The following CFAP299 variants were observed in gnomAD, a reference collection of about 807,000 sequenced individuals.
CFAP299 encodes the protein cilia and flagella associated protein 299.
In CFAP299, 21 loss-of-function variants were observed where a neutral mutation model predicts 27.0. The ratio of observed to expected loss-of-function variants is 0.78; its 90% CI spans 0.55 to 1.12. CFAP299 has a LOEUF of 1.12. CFAP299 is among the 50% of genes most tolerant of loss of function. The pLI is 0.00. For missense variants in CFAP299, 310 were observed against 276.6 expected (o/e 1.12, Z -0.86); for synonymous variants, 104 against 98.1 (o/e 1.06, Z -0.36).
chr4:80,470,887 ACAAT>A (rs1328701403), intron 2 of CFAP299, among the ~76,000 whole-genome samples: 1 of 152,224 alleles, frequency 6.6e-6, no homozygotes, highest in Non-Finnish European at 1.5e-5. Flanking sequence ...TGTCAATTAC[ACAAT>A]CAAGCAGTTT....
chr4:80,800,172 A>C (rs1179802746), intron 3 of CFAP299, among the ~76,000 whole-genome samples: 2 of 69,976 alleles, frequency 2.9e-5, no homozygotes, highest in Non-Finnish European at 4.8e-5. Flanking sequence ...AATACATATA[A>C]TATATAATAA....
intron 4 of CFAP299, chr4:80,871,515 T>G (rs944054227): frequency 1.0e-6 from 1 of 985,302 alleles, no homozygotes; most frequent in African/African-American, 1.7e-5. Flanking sequence ...AAAATTAAAT[T>G]CATTTTAATT....
chr4:80,863,544 A>C (rs559151090), intron 3 of CFAP299, among the ~76,000 whole-genome samples: 4 of 152,174 alleles, frequency 2.6e-5, no homozygotes, highest in Admixed American at 6.5e-5. Context: ...CAGATTCTAC[A>C]TGCCCCTTGG....
At chr4:80,847,845 T>C (rs566451906) in intron 3 of CFAP299, among the ~76,000 whole-genome samples, 1 of 152,344 alleles carries the variant, frequency 6.6e-6, no homozygotes, top group African/African-American at 2.4e-5. Context: ...TGGCCTTTGC[T>C]TAATTATCTC....
In CFAP299 at chr4:80,870,654, C is replaced by G. The variant is rs544268865; in HGVS notation, c.476+519C>G. 20 of 985,668 alleles carry G rather than the reference C, an allele frequency of 2.0e-5. No individual in the cohort carries two copies. The African/African-American group carries it at 3.5e-4, about 17-fold the overall frequency. The allele number at this position is 985,668 out of a possible 1,614,324, so 61.1% of individuals were successfully genotyped here. On this transcript the variant is annotated intron_variant, in intron 4 of 5. Transcript: ENST00000358105. ...CCTTATCTATCACCTAGCATCTACC[C>G]TACACTGCCAATCTATTCACAGATG...
chr4:80,343,799 TAAAAAAAAAA>T (rs35187249), intron 1 of CFAP299, among the ~76,000 whole-genome samples: 1 of 75,356 alleles, frequency 1.3e-5, no homozygotes, highest in Non-Finnish European at 2.2e-5. Context: ...AGACTCCGTC[TAAAAAAAAAA>T]AAAAAAAAAA....
chr4:80,565,061 A>G (rs1436277429), intron 2 of CFAP299, among the ~76,000 whole-genome samples: 2 of 152,060 alleles, frequency 1.3e-5, no homozygotes, highest in East Asian at 1.9e-4. Context: ...GCACAATCCC[A>G]TTAAAGAGGA....
intron 4 of CFAP299, among the ~76,000 whole-genome samples, chr4:80,932,352 C>T (rs111605090): frequency 0.016 from 2,402 of 152,104 alleles, 67 homozygotes; most frequent in African/African-American, 0.054. Context: ...AATATATAGT[C>T]ATAAATAGGA....
chr4:80,475,010 G>T (rs1730204913), intron 2 of CFAP299, among the ~76,000 whole-genome samples: 1 of 152,180 alleles, frequency 6.6e-6, no homozygotes, highest in Non-Finnish European at 1.5e-5. Context: ...AGGTTTGTCA[G>T]CTGAGAGAGT....
At chr4:80,773,061 G>T (rs1285824716) in intron 3 of CFAP299, among the ~76,000 whole-genome samples, 2 of 152,118 alleles carry the variant, frequency 1.3e-5, no homozygotes, top group South Asian at 2.1e-4. Context: ...CCTTTGCAGG[G>T]ACATGGATAA....
chr4:80,386,729 G>A, intron 2 of CFAP299: 2 of 1,551,048 alleles, frequency 1.3e-6, no homozygotes, highest in Non-Finnish European at 8.9e-7. Context: ...CTTCATGCCG[G>A]AGTGGGAGAG....
rs796398709 is a variant in CFAP299 at position 80,591,123 on chromosome 4, T to A, written c.333+7940T>A. Among the ~76,000 whole-genome samples, 51 of 133,760 alleles carry A rather than the reference T, an allele frequency of 3.8e-4. 1 individual carries two copies. The highest frequency in any genetic ancestry group is 9.2e-4 in the Admixed American group (12 of 13,052). The allele number at this position is 133,760 out of a possible 152,430, so 87.8% of individuals were successfully genotyped here. A position where few individuals can be genotyped will look rare whatever the true frequency, so the allele number is the denominator to read the frequency against. On this transcript the variant is annotated intron_variant, in intron 3 of 5. Transcript: ENST00000358105. ...TTAGGAAATTTTTTTTTTTTTTTTT[T>A]TTTTTTTTATTTTTTTTTGAGACGG...
chr4:80,698,078 G>A (rs890248075), intron 3 of CFAP299, among the ~76,000 whole-genome samples: 1 of 152,146 alleles, frequency 6.6e-6, no homozygotes, highest in African/African-American at 2.4e-5. Context: ...GGAAAATTGA[G>A]AAATGATAGC....
intron 2 of CFAP299, among the ~76,000 whole-genome samples, chr4:80,511,205 A>G (rs1346843015): frequency 6.6e-6 from 1 of 152,124 alleles, no homozygotes; most frequent in Non-Finnish European, 1.5e-5. Context: ...CCCCTTATCT[A>G]TATTAAAAGT....
intron 5 of CFAP299, among the ~76,000 whole-genome samples, chr4:80,945,392 C>A (rs146098537): frequency 3.1e-4 from 47 of 152,294 alleles, no homozygotes; most frequent in African/African-American, 1.0e-3. Flanking sequence ...TAATGTATTT[C>A]TAAGTGTTAA....
intron 2 of CFAP299, among the ~76,000 whole-genome samples, chr4:80,486,905 C>G (rs1188398208): frequency 1.3e-5 from 2 of 152,190 alleles, no homozygotes; most frequent in Non-Finnish European, 2.9e-5. Context: ...TACACAATGT[C>G]CCAGGGTAGC....
intron 2 of CFAP299, among the ~76,000 whole-genome samples, chr4:80,562,358 G>A (rs939168360): frequency 6.6e-6 from 1 of 152,046 alleles, no homozygotes; most frequent in African/African-American, 2.4e-5. Context: ...AGCACTTTGG[G>A]AGGCCAAGGA....
intron 2 of CFAP299, among the ~76,000 whole-genome samples, chr4:80,399,701 G>A: frequency 8.3e-6 from 1 of 120,676 alleles, no homozygotes; most frequent in African/African-American, 3.1e-5. Flanking sequence ...TGAGGTGGGG[G>A]AGGGGGGAGG....
chr4:80,394,618 G>T (rs2110040915), intron 2 of CFAP299, among the ~76,000 whole-genome samples: 1 of 152,138 alleles, frequency 6.6e-6, no homozygotes, highest in Non-Finnish European at 1.5e-5. Context: ...GTGATATAAA[G>T]GTCTAATTTC....
Sources: gnomAD v4.1 joint callset for allele counts (sites outside exome capture counted in the v4.1 genomes callset) on GRCh38, gnomAD v4.1.1 for gene constraint, MANE v1.5 for transcripts, NCBI Gene and HGNC (gene_info 2026-07-23, HGNC 2026-07-21) for gene names.